The following APOOL variants were observed in gnomAD, a reference collection of about 807,000 sequenced individuals.
The protein encoded by APOOL is apolipoprotein O like, also known as MICOS complex subunit MIC27.
APOOL carries 12 observed loss-of-function variants against 23.1 expected under a neutral mutation model. The observed-to-expected ratio is 0.52, with a 90% CI of 0.33 to 0.84. APOOL has a LOEUF of 0.84. Ranked by LOEUF, APOOL falls within the 40% of genes least tolerant of loss-of-function variation. The pLI is 0.02. For missense variants in APOOL, 212 were observed against 199.6 expected (o/e 1.06, Z -0.37); for synonymous variants, 77 against 69.9 (o/e 1.10, Z -0.51).
At position 85,033,124 on chromosome X, in the gene APOOL, C is replaced by T. The variant is rs111594628; in HGVS notation, c.16-13322C>T. 7.0e-3 allele frequency among the ~76,000 whole-genome samples: 782 copies of T among 111,864 alleles called. 4 individuals are homozygous for T. The highest frequency in any genetic ancestry group is 0.01 in the Non-Finnish European group (533 of 53,159). ...AATTGAAATATATACAACTTCTTGG[C>T]TTTGTGGGCAGGGTGACATGCTCAG... is the stretch of plus-strand genomic sequence containing the variant. On this transcript the variant is annotated intron_variant, in intron 1 of 8. Transcript: ENST00000373173.
At chrX:85,065,334 C>T (rs1394985331) in intron 5 of APOOL, among the ~76,000 whole-genome samples, 1 of 111,640 alleles carries the variant, frequency 9.0e-6, no homozygotes, top group East Asian at 2.8e-4. Flanking sequence ...TTTTGTCCAG[C>T]TTACCATCCT....
intron 6 of APOOL, among the ~76,000 whole-genome samples, chrX:85,072,277 A>C (rs1444967843): frequency 8.9e-6 from 1 of 112,117 alleles, no homozygotes; most frequent in Non-Finnish European, 1.9e-5. Flanking sequence ...AAAATCATTT[A>C]GATATTGGTT....
intron 1 of APOOL, among the ~76,000 whole-genome samples, chrX:85,011,055 G>A (rs972510040): frequency 9.9e-5 from 11 of 111,566 alleles, no homozygotes; most frequent in African/African-American, 3.3e-4. Context: ...GAGTGAGATG[G>A]TATCGTATTG....
At position 85,027,145 on chromosome X, in the gene APOOL, T is replaced by C. The variant is rs190870548; in HGVS notation, c.16-19301T>C. ...AAGATTCTCAGGAAGCTTCGAATTA[T>C]GGTGGAAAGTGAAGCTGGAACAAGC... On this transcript the variant is annotated intron_variant, in intron 1 of 8. Coordinates refer to ENST00000373173, the MANE Select transcript of APOOL (RefSeq NM_198450.6). Among the ~76,000 whole-genome samples the C allele has an allele frequency of 4.1e-3, 458 of 111,609 alleles. 1 individual carries two copies. The highest frequency in any genetic ancestry group is 0.014 in the Middle Eastern group (3 of 215).
At chrX:85,014,781 C>T (rs906709488) in intron 1 of APOOL, among the ~76,000 whole-genome samples, 3 of 108,229 alleles carry the variant, frequency 2.8e-5, no homozygotes, top group East Asian at 2.9e-4. Flanking sequence ...TTAGATAACC[C>T]GATGACTGTG....
chrX:85,050,551 C>T (rs1922728997), intron 2 of APOOL, among the ~76,000 whole-genome samples: 1 of 106,813 alleles, frequency 9.4e-6, no homozygotes, highest in Non-Finnish European at 1.9e-5. Flanking sequence ...CTTCCCAGTT[C>T]TATCTTCCTC....
chrX:85,034,819 T>A (rs1329459501), intron 1 of APOOL, among the ~76,000 whole-genome samples: 1 of 112,379 alleles, frequency 8.9e-6, no homozygotes, highest in Non-Finnish European at 1.9e-5. Flanking sequence ...TGCATAGTAT[T>A]CCATGGTGTA....
Position 85,051,433 on chromosome X carries a change from A to G in APOOL, c.165A>G (p.Glu55=). 1 of 1,210,931 alleles carries G rather than the reference A, an allele frequency of 8.3e-7. No individual in the cohort carries two copies. Among genetic ancestry groups the G allele is most frequent in the Non-Finnish European group, 1.1e-6 (1 of 895,060 alleles). Residue 55 remains glutamate (E), a synonymous_variant, in exon 3 of 9, where the codon GAA becomes GAG. Coordinates refer to ENST00000373173, the MANE Select transcript of APOOL (RefSeq NM_198450.6). The stretch of plus-strand genomic sequence containing the variant: ...CACCGCTCCAGTCTAAATATGTTGA[A>G]GAGCAGCCTGGTCATTTACAAATGG... ...TAPPLQSKYV[E]EQPGHLQMGF... is the part of the protein sequence containing the mutation.
chrX:85,020,551 C>T (rs1921628735), intron 1 of APOOL, among the ~76,000 whole-genome samples: 1 of 111,530 alleles, frequency 9.0e-6, no homozygotes, highest in Non-Finnish European at 1.9e-5. Context: ...CACCAGGCTG[C>T]ATCCCACAGA....
intron 6 of APOOL, 107 bp from the exon 7 acceptor site, chrX:85,073,891 T>A (rs1343921558): frequency 3.9e-6 from 2 of 510,323 alleles, no homozygotes; most frequent in Admixed American, 4.7e-5. Context: ...TATATCTTTA[T>A]TGATTCTGAC....
In APOOL at chrX:85,092,758, T is replaced by G. The variant is rs1470427232; in HGVS notation, c.*5080T>G. 2.6e-6 allele frequency: 1 copy of G among 388,736 alleles called. No homozygotes were observed. The highest frequency in any genetic ancestry group is 2.5e-5 in the African/African-American group (1 of 39,715). The allele number at this position is 388,736 out of a possible 1,213,427, so 32.0% of individuals were successfully genotyped here. ...ACTGTTCTGAGCTTTAAAGCCCTCT[T>G]TAAAATCTCAAAACTGATTTGCAAA... is the stretch of plus-strand genomic sequence containing the variant. On this transcript the variant is annotated 3_prime_UTR_variant, in exon 9 of 9. Coordinates refer to ENST00000373173, the MANE Select transcript of APOOL (RefSeq NM_198450.6).
chrX:85,025,803 G>T (rs1444171755), intron 1 of APOOL, among the ~76,000 whole-genome samples: 1 of 112,862 alleles, frequency 8.9e-6, no homozygotes, highest in Non-Finnish European at 1.9e-5. Context: ...ATCCCCCAGG[G>T]CTGCTCTTAT....
At chrX:85,063,702 C>G (rs778652498) in intron 5 of APOOL, among the ~76,000 whole-genome samples, 2 of 111,262 alleles carry the variant, frequency 1.8e-5, no homozygotes, top group Non-Finnish European at 1.9e-5. Flanking sequence ...GCCTTTCATC[C>G]CAGGGATGAA....
At chrX:85,048,489 A>G (rs1346128664) in intron 2 of APOOL, among the ~76,000 whole-genome samples, 1 of 112,041 alleles carries the variant, frequency 8.9e-6, no homozygotes, top group East Asian at 2.8e-4. Context: ...CCCCAAGTAC[A>G]TTTTAAATAT....
chrX:85,086,902 T>C (rs1243946199), intron 8 of APOOL, among the ~76,000 whole-genome samples: 1 of 106,557 alleles, frequency 9.4e-6, no homozygotes, highest in Non-Finnish European at 1.9e-5. Context: ...GGTTTCACCG[T>C]GTTAGCCAAG....
chrX:85,014,698 G>C (rs1440400797), intron 1 of APOOL, among the ~76,000 whole-genome samples: 1 of 110,140 alleles, frequency 9.1e-6, no homozygotes, highest in South Asian at 3.9e-4. Context: ...CTGTTAGTCT[G>C]ATAGGTTTTT....
At chrX:85,076,655 A>G (rs1284215409) in intron 8 of APOOL, among the ~76,000 whole-genome samples, 1 of 110,698 alleles carries the variant, frequency 9.0e-6, no homozygotes, top group Non-Finnish European at 1.9e-5. Context: ...TTCATTGAGC[A>G]TACTTAAAGA....
chrX:85,084,740 ATTCT>A (rs1258778879), intron 8 of APOOL, among the ~76,000 whole-genome samples: 3 of 111,657 alleles, frequency 2.7e-5, no homozygotes, highest in Non-Finnish European at 5.6e-5. Context: ...AAGGCAAAAG[ATTCT>A]TTCTAATTCA....
intron 2 of APOOL, among the ~76,000 whole-genome samples, chrX:85,050,234 G>A (rs1276221784): frequency 9.0e-6 from 1 of 110,944 alleles, no homozygotes; most frequent in African/African-American, 3.3e-5. Context: ...AACTCACACT[G>A]TCTTATGTTT....
Sources: allele counts gnomAD v4.1 joint callset (sites outside exome capture counted in the v4.1 genomes callset), GRCh38; gene constraint gnomAD v4.1.1; transcripts MANE v1.5; gene names NCBI Gene and HGNC (gene_info 2026-07-23, HGNC 2026-07-21).